The following INPP5A variants were observed in gnomAD, a reference collection of about 807,000 sequenced individuals.
INPP5A encodes the protein 43 kDa inositol polyphosphate 5-phophatase.
INPP5A carries 14 observed loss-of-function variants against 65.2 expected under a neutral mutation model. The observed-to-expected ratio is 0.21, with a 90% CI of 0.14 to 0.34. The LOEUF is 0.34. Among genes scored for constraint, INPP5A ranks in the 10% least tolerant of loss-of-function variants. The pLI is 1.00. For missense variants in INPP5A, 431 were observed against 545.6 expected (o/e 0.79, Z 2.09); for synonymous variants, 207 against 208.3 (o/e 0.99, Z 0.05).
In INPP5A at chr10:132,676,677, T is replaced by C. The variant is rs1261876395; in HGVS notation, c.307-13715T>C. ...GATGGCAGCCCTGGGCACCTGTGGC[T>C]GCTCCCTCCTCCTGACTCTGCTCCA... On this transcript the variant is annotated intron_variant, in intron 4 of 15. Coordinates refer to ENST00000368594, the MANE Select transcript of INPP5A (RefSeq NM_005539.5). This position sits in a 1 kb window ranked among gnomAD's most constrained non-coding sequence, Gnocchi z 4.0. 1.3e-5 allele frequency among the ~76,000 whole-genome samples: 2 copies of C among 152,158 alleles called. No individual in the cohort carries two copies. Among genetic ancestry groups the C allele is most frequent in the African/African-American group, 4.8e-5 (2 of 41,446 alleles).
In INPP5A at chr10:132,698,018, T is replaced by C; in HGVS notation, c.474+99T>C. 1.3e-6 allele frequency: 1 copy of C among 761,686 alleles called. No homozygotes were observed. The highest frequency in any genetic ancestry group is 2.7e-5 in the East Asian group (1 of 37,290). The allele number at this position is 761,686 out of a possible 1,614,324, so 47.2% of individuals were successfully genotyped here. ...AATTTTCGCATTGCACTGTTACTAG[T>C]CACAGCTGCCTGTTGTTACCTCCGA... is the stretch of plus-strand genomic sequence containing the variant. On this transcript the variant is annotated intron_variant, in intron 6 of 15. Coordinates refer to ENST00000368594, the MANE Select transcript of INPP5A (RefSeq NM_005539.5). This position sits in a 1 kb window ranked among gnomAD's most constrained non-coding sequence, Gnocchi z 5.5.
intron 1 of INPP5A, among the ~76,000 whole-genome samples, chr10:132,599,336 C>T (rs1412290062): frequency 2.0e-5 from 3 of 152,272 alleles, no homozygotes; most frequent in South Asian, 2.1e-4. Context: ...GTTACAGGGC[C>T]GATGCAAGTC....
intron 9 of INPP5A, among the ~76,000 whole-genome samples, chr10:132,735,036 T>C (rs546008081): frequency 2.4e-3 from 364 of 152,256 alleles, no homozygotes; most frequent in African/African-American, 8.2e-3. Context: ...TCCCCAGCCG[T>C]GTGGAGCAGG....
At chr10:132,554,520 G>T (rs1401180681) in intron 1 of INPP5A, among the ~76,000 whole-genome samples, 1 of 152,230 alleles carries the variant, frequency 6.6e-6, no homozygotes, top group African/African-American at 2.4e-5. Context: ...GGGAAGCTGC[G>T]TGGTTGGTGC....
intron 8 of INPP5A, among the ~76,000 whole-genome samples, chr10:132,726,452 T>C (rs1845986188): frequency 6.6e-6 from 1 of 152,150 alleles, no homozygotes; most frequent in Non-Finnish European, 1.5e-5. Context: ...TGGTGGATTA[T>C]TCAGGCATCC....
intron 5 of INPP5A, among the ~76,000 whole-genome samples, chr10:132,694,667 A>C (rs1195201088): frequency 1.3e-5 from 2 of 152,212 alleles, no homozygotes; most frequent in Admixed American, 1.3e-4. Context: ...ACTAAGAAAA[A>C]GAGAGAGAAG....
chr10:132,620,244 T>C (rs1244603965), intron 2 of INPP5A, among the ~76,000 whole-genome samples: 5 of 152,238 alleles, frequency 3.3e-5, no homozygotes, highest in Non-Finnish European at 7.3e-5. Flanking sequence ...TCGACTCCTT[T>C]TTAGTTATGC....
chr10:132,548,520 C>T (rs964722826), intron 1 of INPP5A, among the ~76,000 whole-genome samples: 1 of 152,152 alleles, frequency 6.6e-6, no homozygotes, highest in Non-Finnish European at 1.5e-5. Context: ...TGCAGTTCAC[C>T]CAATGTGAGT....
At chr10:132,771,618 G>A (rs372926628) in intron 12 of INPP5A, among the ~76,000 whole-genome samples, 148 of 149,864 alleles carry the variant, frequency 9.9e-4, no homozygotes, top group African/African-American at 3.3e-3. Context: ...AGAGTGGGAC[G>A]GACACTCAGC....
rs774408494 is a variant in INPP5A at position 132,698,464 on chromosome 10, C to T, written c.474+545C>T. Reference sequence around the variant, plus strand: ...GCATTTGTCGTCTCACTGCCAGACACGGTGTTGATGAGAAATTGGTGTTTC... The same window carrying T: ...GCATTTGTCGTCTCACTGCCAGACATGGTGTTGATGAGAAATTGGTGTTTC... On this transcript the variant is annotated intron_variant, in intron 6 of 15. Coordinates refer to ENST00000368594, the MANE Select transcript of INPP5A (RefSeq NM_005539.5). This position sits in a 1 kb window ranked among gnomAD's most constrained non-coding sequence, Gnocchi z 5.5. 2.0e-5 allele frequency among the ~76,000 whole-genome samples: 3 copies of T among 152,242 alleles called. No homozygotes were observed. Among genetic ancestry groups the T allele is most frequent in the African/African-American group, 4.8e-5 (2 of 41,466 alleles).
chr10:132,676,964 A>T lies in INPP5A; in HGVS notation c.307-13428A>T, dbSNP rs11146459. 0.22 allele frequency among the ~76,000 whole-genome samples: 5,729 copies of T among 26,068 alleles called. 694 individuals are homozygous for T. Among genetic ancestry groups the T allele is most frequent in the East Asian group, 0.37 (123 of 330 alleles). 17.1% of individuals were successfully genotyped at this position (26,068 alleles called of 152,430 possible). ...TGTCCTCAACTGCAGACCCACAGGT[A>T]TTCACATGGTGACCCCCACCGTCAC... is the stretch of plus-strand genomic sequence containing the variant. On this transcript the variant is annotated intron_variant, in intron 4 of 15. Coordinates refer to ENST00000368594, the MANE Select transcript of INPP5A (RefSeq NM_005539.5). This position sits in a 1 kb window ranked among gnomAD's most constrained non-coding sequence, Gnocchi z 4.0.
At position 132,549,683 on chromosome 10, in the gene INPP5A, C is replaced by T. The variant is rs1421126000; in HGVS notation, c.75+11512C>T. On this transcript the variant is annotated intron_variant, in intron 1 of 15. Coordinates refer to ENST00000368594, the MANE Select transcript of INPP5A (RefSeq NM_005539.5). The surrounding 1 kb of genome is among the most constrained non-coding windows in gnomAD (Gnocchi z 4.9). ...AGGTGCGTGTCCTGGAGCTCTGCAG[C>T]TGCAGGGCGGGAGCCGGGGCTTCCG... Among the ~76,000 whole-genome samples, 3 of 152,206 alleles carry T rather than the reference C, an allele frequency of 2.0e-5. No homozygotes were observed. The East Asian group carries it at 5.8e-4, about 29-fold the overall frequency.
At chr10:132,714,075 G>A (rs960166060) in intron 8 of INPP5A, among the ~76,000 whole-genome samples, 5 of 152,192 alleles carry the variant, frequency 3.3e-5, no homozygotes, top group African/African-American at 9.7e-5. Flanking sequence ...GGGCCCTGCC[G>A]TGTCTGCTGT....
At chr10:132,565,845 A>ATGTGTGTGTGTGTT in intron 1 of INPP5A, among the ~76,000 whole-genome samples, 1 of 150,682 alleles carries the variant, frequency 6.6e-6, no homozygotes, top group Non-Finnish European at 1.5e-5. Context: ...GTGTATGTGA[A>ATGTGTGTGTGTGTT]TGTGTGTGTG....
rs1372591970 is a variant in INPP5A, at chr10:132,705,070, G to T, written c.475-3243G>T. Among the ~76,000 whole-genome samples the T allele has an allele frequency of 6.6e-6, 1 of 152,292 alleles. No homozygotes were observed. The highest frequency in any genetic ancestry group is 2.1e-4 in the South Asian group (1 of 4,824). On this transcript the variant is annotated intron_variant, in intron 6 of 15. Transcript: ENST00000368594. This position sits in a 1 kb window ranked among gnomAD's most constrained non-coding sequence, Gnocchi z 4.9. ...GAGTGCAGGCTGAGTGGAGGGGAGA[G>T]AGTCCAAGCATTGGGGGTGTCCCAG...
chr10:132,723,922 C>T (rs918859605), intron 8 of INPP5A, among the ~76,000 whole-genome samples: 10 of 148,590 alleles, frequency 6.7e-5, no homozygotes, highest in Non-Finnish European at 1.3e-4. Flanking sequence ...CTGGGCAGAG[C>T]TTGGGGCTCG....
intron 4 of INPP5A, among the ~76,000 whole-genome samples, chr10:132,673,496 G>A (rs1590914616): frequency 6.6e-6 from 1 of 152,282 alleles, no homozygotes; most frequent in African/African-American, 2.4e-5. Context: ...CACCTAGTTG[G>A]TGTTGTAATT....
At position 132,644,339 on chromosome 10, in the gene INPP5A, G is replaced by A. The variant is rs1335780752; in HGVS notation, c.118-1529G>A. Among the ~76,000 whole-genome samples the A allele has an allele frequency of 6.6e-6, 1 of 152,244 alleles. No individual in the cohort carries two copies. The highest frequency in any genetic ancestry group is 2.4e-5 in the African/African-American group (1 of 41,466). ...GCCACCTGCAGCACAGACGGAGCCT[G>A]TGCACGGGGCCTGGTCAGAGCTGTT... On this transcript the variant is annotated intron_variant, in intron 2 of 15. Coordinates refer to ENST00000368594, the MANE Select transcript of INPP5A (RefSeq NM_005539.5). The surrounding 1 kb of genome is among the most constrained non-coding windows in gnomAD (Gnocchi z 6.5).
intron 1 of INPP5A, among the ~76,000 whole-genome samples, chr10:132,596,727 G>A (rs1336325895): frequency 6.6e-6 from 1 of 152,202 alleles, no homozygotes; most frequent in Non-Finnish European, 1.5e-5. Context: ...ACCACGCCCG[G>A]CCCATGTGTG....
Sources: gnomAD v4.1 joint callset for allele counts (sites outside exome capture counted in the v4.1 genomes callset) on GRCh38, gnomAD v4.1.1 for gene constraint, Gnocchi (gnomAD v3.1) non-coding constraint, MANE v1.5 for transcripts, NCBI Gene and HGNC (gene_info 2026-07-23, HGNC 2026-07-21) for gene names.